The following MYO1D variants were observed in gnomAD, a reference collection of about 807,000 sequenced individuals.
MYO1D encodes the protein myosin ID.
A neutral mutation model predicts 122.0 loss-of-function variants in MYO1D; 83 were observed. That is an observed-to-expected ratio of 0.68 (90% CI 0.57 to 0.82). The LOEUF (loss-of-function observed/expected upper bound fraction) is 0.82, where lower values mean the gene tolerates loss of function less well. MYO1D is among the 40% of genes least tolerant of loss of function. The probability of loss-of-function intolerance (pLI) is 0.00; values close to 1 mark genes in which losing one functional copy is unlikely to be tolerated. For synonymous variants in MYO1D, 464 were observed against 446.9 expected (o/e 1.04, Z -0.48); for missense variants, 1,157 against 1,269.5 (o/e 0.91, Z 1.35).
intron 1 of MYO1D, among the ~76,000 whole-genome samples, chr17:32,794,628 C>A (rs2090393848): frequency 6.6e-6 from 1 of 151,870 alleles, no homozygotes; most frequent in Non-Finnish European, 1.5e-5. Flanking sequence ...AGGACAGACA[C>A]TAAATGGAGG....
intron 16 of MYO1D, among the ~76,000 whole-genome samples, chr17:32,705,818 T>C (rs1384417363): frequency 1.3e-5 from 2 of 152,140 alleles, no homozygotes; most frequent in Admixed American, 6.5e-5. Context: ...ATAGGGGCAG[T>C]TTCCCCCATA....
At chr17:32,801,396 C>G (rs1307463437) in intron 1 of MYO1D, among the ~76,000 whole-genome samples, 1 of 152,208 alleles carries the variant, frequency 6.6e-6, no homozygotes, top group Admixed American at 6.5e-5. Flanking sequence ...TCGGCTGGAT[C>G]ACTGGGCTGG....
chr17:32,578,359 C>A (rs1002449284), intron 21 of MYO1D, among the ~76,000 whole-genome samples: 3 of 152,234 alleles, frequency 2.0e-5, no homozygotes, highest in Non-Finnish European at 4.4e-5. Context: ...TTCTCAGGAT[C>A]AAACACCCAC....
At chr17:32,750,279 T>A (rs1235304794) in intron 11 of MYO1D, among the ~76,000 whole-genome samples, 1 of 152,198 alleles carries the variant, frequency 6.6e-6, no homozygotes, top group Non-Finnish European at 1.5e-5. Flanking sequence ...ACTTGGAATC[T>A]TATAGTTTCT....
intron 20 of MYO1D, among the ~76,000 whole-genome samples, chr17:32,631,391 A>G (rs1025128386): frequency 2.6e-5 from 4 of 152,246 alleles, no homozygotes; most frequent in African/African-American, 7.2e-5. Context: ...CTGTAATTCC[A>G]GCACTTTGGG....
chr17:32,719,476 G>A (rs553795267), intron 15 of MYO1D, among the ~76,000 whole-genome samples: 37 of 150,744 alleles, frequency 2.5e-4, no homozygotes, highest in African/African-American at 7.5e-4. Context: ...CAGCCTCCCC[G>A]AGTAGCTGGG....
At chr17:32,735,409 T>C (rs558135774) in intron 14 of MYO1D, among the ~76,000 whole-genome samples, 2 of 152,222 alleles carry the variant, frequency 1.3e-5, no homozygotes, top group Non-Finnish European at 1.5e-5. Context: ...TCTTGAACTC[T>C]TGACCTCAAG....
intron 21 of MYO1D, among the ~76,000 whole-genome samples, chr17:32,593,855 T>G (rs947783373): frequency 6.6e-6 from 1 of 152,238 alleles, no homozygotes; most frequent in East Asian, 1.9e-4. Context: ...GAAAATTGCA[T>G]GAACCTGGCA....
intron 16 of MYO1D, among the ~76,000 whole-genome samples, chr17:32,705,097 AC>A (rs1420731989): frequency 6.6e-6 from 1 of 151,918 alleles, no homozygotes; most frequent in Non-Finnish European, 1.5e-5. Flanking sequence ...AGTACTGTTG[AC>A]CCTTAAACAG....
intron 20 of MYO1D, among the ~76,000 whole-genome samples, chr17:32,606,534 T>C (rs1449612430): frequency 6.6e-6 from 1 of 152,224 alleles, no homozygotes. Context: ...AATGCAAGGC[T>C]AGTTAGGTAT....
chr17:32,533,202 T>A (rs148415891), intron 21 of MYO1D, among the ~76,000 whole-genome samples: 108 of 152,294 alleles, frequency 7.1e-4, no homozygotes, highest in African/African-American at 2.5e-3. Flanking sequence ...AACTCCCAAA[T>A]CTATACCTCT....
intron 1 of MYO1D, among the ~76,000 whole-genome samples, chr17:32,842,220 T>C (rs746008437): frequency 1.5e-4 from 23 of 152,054 alleles, no homozygotes; most frequent in Admixed American, 5.2e-4. Flanking sequence ...AGGGATACAA[T>C]GGAGCTTGGA....
intron 7 of MYO1D, 79 bp downstream of exon 7, chr17:32,767,557 A>G (rs1373106102): frequency 2.1e-6 from 2 of 951,602 alleles, no homozygotes; most frequent in African/African-American, 1.7e-5. Context: ...TTAAATCTAC[A>G]GGGAAAAAAC....
intron 1 of MYO1D, chr17:32,830,153 T>C (rs2151065096): frequency 6.6e-6 from 1 of 152,322 alleles, no homozygotes; most frequent in South Asian, 2.1e-4. Context: ...AGTGATAACA[T>C]TTAAATCAAG....
rs774406425 is a variant in MYO1D at position 32,638,782 on chromosome 17, G to A, written c.2649C>T (p.His883=). ...GTTTAGTGGGATCCATTTTATACAG[G>A]TGACGGTCAGTGACAAAAATTGCTC... ...EDRAIFVTDR[H]LYKMDPTKQY... is the part of the protein sequence containing the mutation. Residue 883 remains histidine (H), a synonymous_variant, in exon 20 of 22, where the codon CAC becomes CAT. Coordinates refer to ENST00000318217, the MANE Select transcript of MYO1D (RefSeq NM_015194.3). 1.2e-6 allele frequency: 2 copies of A among 1,613,902 alleles called. No individual in the cohort carries two copies. Among genetic ancestry groups the A allele is most frequent in the East Asian group, 4.5e-5 (2 of 44,832 alleles).
chr17:32,676,901 C>T (rs1029297109), intron 16 of MYO1D, among the ~76,000 whole-genome samples: 1 of 151,942 alleles, frequency 6.6e-6, no homozygotes, highest in African/African-American at 2.4e-5. Flanking sequence ...AGCTCCACCT[C>T]CCAGGTTCAC....
chr17:32,535,564 G>A lies in MYO1D; in HGVS notation c.2865-40649C>T, dbSNP rs578018328. ...AGTTCAAGACCAGCCTGGCCAACATGGTGAAACCCCATCTCTACTAAAAAC... is the reference window on the plus strand; with the variant it reads ...AGTTCAAGACCAGCCTGGCCAACATAGTGAAACCCCATCTCTACTAAAAAC... On this transcript the variant is annotated intron_variant, in intron 21 of 21. Transcript: ENST00000318217. Among the ~76,000 whole-genome samples, 5 of 152,252 alleles carry A rather than the reference G, an allele frequency of 3.3e-5. No individual in the cohort carries two copies. The South Asian group carries it at 1.0e-3, about 32-fold the overall frequency.
At chr17:32,626,984 T>G (rs954613668) in intron 20 of MYO1D, among the ~76,000 whole-genome samples, 1 of 152,214 alleles carries the variant, frequency 6.6e-6, no homozygotes, top group South Asian at 2.1e-4. Context: ...TTTTTCTAAA[T>G]TTCTCTATAA....
intron 21 of MYO1D, among the ~76,000 whole-genome samples, chr17:32,567,212 G>A (rs976682967): frequency 3.3e-5 from 5 of 152,194 alleles, no homozygotes; most frequent in African/African-American, 9.7e-5. Flanking sequence ...TAAGCATCCT[G>A]AGGACAGGAA....
Sources: allele counts gnomAD v4.1 joint callset (sites outside exome capture counted in the v4.1 genomes callset), GRCh38; gene constraint gnomAD v4.1.1; transcripts MANE v1.5; gene names NCBI Gene and HGNC (gene_info 2026-07-23, HGNC 2026-07-21).